BBS5: variants seen among roughly 807,000 people sequenced by gnomAD.
The protein encoded by BBS5 is Bardet-Biedl syndrome 5.
Under a neutral mutation model 50.2 loss-of-function variants are expected in BBS5, and 39 were observed. The ratio of observed to expected loss-of-function variants is 0.78; its 90% CI spans 0.60 to 1.01. The LOEUF is 1.01. BBS5 is among the 50% of genes least tolerant of loss of function. The pLI is 0.00. For missense variants in BBS5, 356 were observed against 401.5 expected, an observed-to-expected ratio of 0.89 and a Z score of 0.97; for synonymous variants, 134 against 133.1, an observed-to-expected ratio of 1.01 and a Z score of -0.05.
At chr2:169,479,682 C>T (rs577810003) in intron 1 of BBS5, 70 bp downstream of exon 1, 2 of 1,537,532 alleles carry the variant, frequency 1.3e-6, no homozygotes, top group Middle Eastern at 1.7e-4. Flanking sequence ...TAGGGACCCG[C>T]GGGCGGAGAC....
intron 5 of BBS5, 128 bp from the exon 6 acceptor site, chr2:169,492,746 T>C: frequency 2.3e-6 from 2 of 880,090 alleles, no homozygotes; most frequent in South Asian, 1.8e-5. Flanking sequence ...AATAAAAATA[T>C]TAAAATGTAT....
At chr2:169,486,767 T>TC (rs1434602449) in intron 2 of BBS5, among the ~76,000 whole-genome samples, 4 of 152,188 alleles carry the variant, frequency 2.6e-5, no homozygotes, top group African/African-American at 9.6e-5. Context: ...CAGAACAACT[T>TC]CTACCAAGAC....
chr2:169,497,445 T>C (rs1683712124), intron 7 of BBS5, among the ~76,000 whole-genome samples, 182 bp from the exon 8 acceptor site: 1 of 152,220 alleles, frequency 6.6e-6, no homozygotes, highest in African/African-American at 2.4e-5. Flanking sequence ...TTGCCACCTA[T>C]TTTCAGTATG....
At chr2:169,504,127 A>G (rs1350611439) in intron 10 of BBS5, among the ~76,000 whole-genome samples, 176 bp from the exon 11 acceptor site, 1 of 152,240 alleles carries the variant, frequency 6.6e-6, no homozygotes, top group Admixed American at 6.5e-5. Flanking sequence ...GTAGACATGA[A>G]CAGAGTGAAT....
intron 5 of BBS5, 83 bp downstream of exon 5, chr2:169,488,197 A>T: frequency 7.3e-7 from 1 of 1,365,224 alleles, no homozygotes; most frequent in Non-Finnish European, 1.0e-6. Flanking sequence ...CCTTTTTGGC[A>T]CCAGGGACCA....
At chr2:169,486,696 G>C (rs1322937633) in intron 2 of BBS5, among the ~76,000 whole-genome samples, 1 of 152,154 alleles carries the variant, frequency 6.6e-6, no homozygotes, top group Non-Finnish European at 1.5e-5. Flanking sequence ...TGATTTCAGT[G>C]AATAGCTGTG....
intron 6 of BBS5, among the ~76,000 whole-genome samples, chr2:169,493,333 G>T (rs530785153): frequency 6.6e-6 from 1 of 151,998 alleles, no homozygotes; most frequent in South Asian, 2.1e-4. Context: ...TATATTCATG[G>T]GGATTATTAC....
chr2:169,495,588 C>A (rs1308994265), intron 7 of BBS5, among the ~76,000 whole-genome samples: 1 of 152,200 alleles, frequency 6.6e-6, no homozygotes, highest in African/African-American at 2.4e-5. Context: ...TTCTGTCTTA[C>A]CAGCCTGTGT....
rs71003093 is a variant in BBS5 at position 169,489,851 on chromosome 2, C to CTTTT, written c.386+1775_386+1778dup. Among the ~76,000 whole-genome samples, 18 of 65,890 alleles carry CTTTT rather than the reference C, an allele frequency of 2.7e-4. 3 individuals are homozygous for CTTTT. Among genetic ancestry groups the CTTTT allele is most frequent in the African/African-American group, 1.2e-3 (15 of 12,056 alleles). The allele number at this position is 65,890 out of a possible 152,430, so 43.2% of individuals were successfully genotyped here. A position where few individuals can be genotyped will look rare whatever the true frequency, so the allele number is the denominator to read the frequency against. ...TATTTTTTGGCTTCTCATAAATTTC[C>CTTTT]TTTTTTTTTTTTTTTTTTTTTTTTT... On this transcript the variant is annotated intron_variant, in intron 5 of 11. Coordinates refer to ENST00000295240, the MANE Select transcript of BBS5 (RefSeq NM_152384.3).
chr2:169,487,957 C>A (rs374221308), intron 4 of BBS5, 30 bp from the exon 5 acceptor site: 2 of 1,612,002 alleles, frequency 1.2e-6, no homozygotes, highest in Non-Finnish European at 1.7e-6. Flanking sequence ...CTCTTAAAAT[C>A]TGAACTTTTA....
chr2:169,504,680 C>G lies in BBS5; in HGVS notation c.*98C>G. On this transcript the variant is annotated 3_prime_UTR_variant, in exon 12 of 12. Coordinates refer to ENST00000295240, the MANE Select transcript of BBS5 (RefSeq NM_152384.3). ...CATGGAATAGTTTTTATATTTACAG[C>G]TTTTATATTTAAAACTTGTAAGAGT... 8.5e-7 allele frequency: 1 copy of G among 1,178,984 alleles called. No homozygotes were observed. Among genetic ancestry groups the G allele is most frequent in the Non-Finnish European group, 1.2e-6 (1 of 804,594 alleles). 73.0% of individuals were successfully genotyped at this position (1,178,984 alleles called of 1,614,324 possible).
At chr2:169,490,791 TACC>T (rs977914892) in intron 5 of BBS5, among the ~76,000 whole-genome samples, 15 of 152,300 alleles carry the variant, frequency 9.8e-5, no homozygotes, top group African/African-American at 3.4e-4. Context: ...ATAAATCCCT[TACC>T]CATAGCAGTC....
chr2:169,479,546 T>C lies in BBS5; in HGVS notation c.-8T>C, dbSNP rs761642335. The stretch of plus-strand genomic sequence containing the variant: ...TGTGGAGAGATCCTGCCACGGGCCT[T>C]GTTCACCATGTCGGTGCTGGATGCG... On this transcript the variant is annotated 5_prime_UTR_variant, in exon 1 of 12. Transcript: ENST00000295240. The C allele has an allele frequency of 2.5e-6, 4 of 1,614,028 alleles. No individual in the cohort carries two copies. Among genetic ancestry groups the C allele is most frequent in the South Asian group, 2.2e-5 (2 of 91,080 alleles).
intron 5 of BBS5, among the ~76,000 whole-genome samples, chr2:169,489,306 C>CA (rs1683547224): frequency 2.0e-5 from 3 of 151,604 alleles, no homozygotes; most frequent in African/African-American, 2.4e-5. Context: ...ACTAAAAATA[C>CA]AAAAAAATTA....
intron 2 of BBS5, chr2:169,482,794 A>C (rs1367639860): frequency 6.0e-6 from 1 of 167,252 alleles, no homozygotes; most frequent in East Asian, 1.7e-4. Context: ...TGTGAAATCT[A>C]TTTGTAGGTC....
chr2:169,493,186 C>A, intron 6 of BBS5, 177 bp downstream of exon 6: 2 of 712,184 alleles, frequency 2.8e-6, no homozygotes, highest in Non-Finnish European at 2.3e-6. Flanking sequence ...TCTTTCAATA[C>A]AATGAAATAT....
In BBS5 at chr2:169,504,487, G is replaced by T. The variant is rs758174159; in HGVS notation, c.931G>T (p.Asp311Tyr). The change falls in exon 12 of 12, where the codon GAT becomes TAT. Residue 311 changes from aspartate to tyrosine, a missense_variant. By Grantham distance (160) the Asp-to-Tyr change is radical. Transcript: ENST00000295240. Reference protein sequence around the residue: ...AYFADGNKQQDREPVFSEELG... With the variant: ...AYFADGNKQQYREPVFSEELG... ...CCTCCTGTCTCCCAAAAAGCAACAAGATCGTGAACCTGTATTTTCAGAAGA... is the reference window on the plus strand; with the variant it reads ...CCTCCTGTCTCCCAAAAAGCAACAATATCGTGAACCTGTATTTTCAGAAGA... 6.2e-7 allele frequency: 1 copy of T among 1,613,588 alleles called. No homozygotes were observed. The highest frequency in any genetic ancestry group is 2.2e-5 in the East Asian group (1 of 44,876).
rs1683755365 is a variant in BBS5, at chr2:169,499,341, T to C, written c.682-145T>C. The C allele has an allele frequency of 5.7e-6, 5 of 871,604 alleles. No homozygotes were observed. The South Asian group carries it at 9.0e-5, about 16-fold the overall frequency. The allele number at this position is 871,604 out of a possible 1,614,324, so 54.0% of individuals were successfully genotyped here. On this transcript the variant is annotated intron_variant, in intron 8 of 11. Coordinates refer to ENST00000295240, the MANE Select transcript of BBS5 (RefSeq NM_152384.3). ...TTCTGTTTTTGTATGTGCTTGAAAT[T>C]TTTCATAATAAAAAGTTTAATTGAA...
chr2:169,504,401 G>A, intron 11 of BBS5, 75 bp downstream of exon 11: 1 of 1,587,558 alleles, frequency 6.3e-7, no homozygotes, highest in South Asian at 1.1e-5. Flanking sequence ...ACAAACTTAT[G>A]TGAAACCTAT....
Sources: allele counts gnomAD v4.1 joint callset (sites outside exome capture counted in the v4.1 genomes callset), GRCh38; gene constraint gnomAD v4.1.1; transcripts MANE v1.5; gene names NCBI Gene and HGNC (gene_info 2026-07-23, HGNC 2026-07-21).